The following ASCC3 variants were observed in gnomAD, a reference collection of about 807,000 sequenced individuals.
ASCC3 encodes the protein ASC-1 complex subunit P200.
Under a neutral mutation model 256.3 loss-of-function variants are expected in ASCC3, and 158 were observed. The ratio of observed to expected loss-of-function variants is 0.62; its 90% CI spans 0.54 to 0.70. The LOEUF (loss-of-function observed/expected upper bound fraction) is 0.70. ASCC3 is among the 30% of genes least tolerant of loss of function. The pLI, the probability that ASCC3 is intolerant of heterozygous loss-of-function variation, is 0.00. For missense variants in ASCC3, 2,259 were observed against 2,626.0 expected (o/e 0.86, Z 3.05); for synonymous variants, 948 against 883.4 (o/e 1.07, Z -1.30).
At chr6:100,572,965 G>T (rs1770674213) in intron 36 of ASCC3, among the ~76,000 whole-genome samples, 1 of 151,940 alleles carries the variant, frequency 6.6e-6, no homozygotes, top group Non-Finnish European at 1.5e-5. Flanking sequence ...TAAATAAAAG[G>T]TCTGGCATTT....
Position 100,589,934 on chromosome 6 carries a change from T to C in ASCC3, c.5415+14A>G. 1.9e-6 allele frequency: 3 copies of C among 1,603,370 alleles called. No individual in the cohort carries two copies. The highest frequency in any genetic ancestry group is 2.6e-6 in the Non-Finnish European group (3 of 1,170,482). On this transcript the variant is annotated intron_variant, in intron 35 of 41. Transcript: ENST00000369162. ...GCAATCTTTTCAATTAGAATGCATA[T>C]GACTAAGTCATACCTCTCCAATTTC...
chr6:100,584,949 G>T (rs1314215890), intron 36 of ASCC3, among the ~76,000 whole-genome samples: 3 of 152,168 alleles, frequency 2.0e-5, no homozygotes, highest in African/African-American at 7.2e-5. Context: ...CGAGAGATCC[G>T]CTGTTAGTCT....
At chr6:100,655,947 T>C (rs1164173336) in intron 16 of ASCC3, 129 bp from the exon 17 acceptor site, 5 of 1,031,816 alleles carry the variant, frequency 4.8e-6, no homozygotes, top group East Asian at 2.4e-5. Flanking sequence ...AAGGTAGGCA[T>C]AGTGACTGGA....
At chr6:100,693,485 G>A (rs1777932909) in intron 13 of ASCC3, among the ~76,000 whole-genome samples, 1 of 152,192 alleles carries the variant, frequency 6.6e-6, no homozygotes, top group Middle Eastern at 3.4e-3. Context: ...CTTTATACCT[G>A]ATTTGAGAAA....
chr6:100,590,954 C>A (rs1006797295), intron 34 of ASCC3, among the ~76,000 whole-genome samples: 3 of 151,878 alleles, frequency 2.0e-5, no homozygotes, highest in Non-Finnish European at 4.4e-5. Flanking sequence ...TAGGTACACC[C>A]AAATATGAGA....
chr6:100,559,567 G>C (rs931543539), intron 36 of ASCC3, among the ~76,000 whole-genome samples: 3 of 151,994 alleles, frequency 2.0e-5, no homozygotes, highest in African/African-American at 7.2e-5. Flanking sequence ...TTCTGTTACA[G>C]GGCTGGGCAT....
chr6:100,789,285 C>G (rs1472782634), intron 8 of ASCC3, among the ~76,000 whole-genome samples: 1 of 151,836 alleles, frequency 6.6e-6, no homozygotes, highest in African/African-American at 2.4e-5. Context: ...TCCAAATACA[C>G]TGAACCCACA....
chr6:100,839,618 C>A (rs1038140043), intron 4 of ASCC3, among the ~76,000 whole-genome samples: 3 of 152,086 alleles, frequency 2.0e-5, no homozygotes, highest in African/African-American at 7.2e-5. Flanking sequence ...GATGATTCAG[C>A]ATGTTCTTCT....
At chr6:100,660,311 T>C (rs1316722429) in intron 16 of ASCC3, among the ~76,000 whole-genome samples, 2 of 151,574 alleles carry the variant, frequency 1.3e-5, no homozygotes, top group African/African-American at 4.8e-5. Context: ...AGCAGCAGTA[T>C]TGAGAGAATA....
chr6:100,763,512 C>A (rs1781507436), intron 10 of ASCC3, among the ~76,000 whole-genome samples: 1 of 152,112 alleles, frequency 6.6e-6, no homozygotes, highest in Non-Finnish European at 1.5e-5. Context: ...CTCAAAACTT[C>A]TTGGAAGGCA....
At chr6:100,618,547 C>T (rs1012083503) in intron 30 of ASCC3, among the ~76,000 whole-genome samples, 6 of 152,218 alleles carry the variant, frequency 3.9e-5, no homozygotes, top group Non-Finnish European at 8.8e-5. Flanking sequence ...GTTATGTACT[C>T]AGTGGCCAAA....
chr6:100,616,310 G>A (rs1334790746), intron 30 of ASCC3, among the ~76,000 whole-genome samples: 1 of 152,126 alleles, frequency 6.6e-6, no homozygotes, highest in Non-Finnish European at 1.5e-5. Context: ...AACTGCTCTA[G>A]CATCTAAAAA....
intron 36 of ASCC3, among the ~76,000 whole-genome samples, chr6:100,557,735 T>C (rs1033338072): frequency 2.6e-5 from 4 of 151,972 alleles, no homozygotes; most frequent in Admixed American, 6.6e-5. Context: ...GGGGTAAGGA[T>C]TGTTAATGGG....
chr6:100,554,979 T>C (rs2114692008), intron 36 of ASCC3, among the ~76,000 whole-genome samples: 1 of 152,076 alleles, frequency 6.6e-6, no homozygotes, highest in African/African-American at 2.4e-5. Flanking sequence ...AAATTATCTA[T>C]TCAAACTTTA....
At chr6:100,547,319 T>A (rs553051777) in intron 36 of ASCC3, among the ~76,000 whole-genome samples, 6 of 151,926 alleles carry the variant, frequency 3.9e-5, no homozygotes, top group African/African-American at 7.2e-5. Flanking sequence ...TAGGAAAAAA[T>A]TTATTTGATG....
chr6:100,560,776 C>CACAG (rs1180684902), intron 36 of ASCC3, among the ~76,000 whole-genome samples: 2 of 151,644 alleles, frequency 1.3e-5, no homozygotes, highest in African/African-American at 2.4e-5. Context: ...CACACACACA[C>CACAG]ACACACACAC....
chr6:100,532,366 G>A (rs570395290), intron 37 of ASCC3, among the ~76,000 whole-genome samples: 18 of 125,680 alleles, frequency 1.4e-4, no homozygotes, highest in East Asian at 4.9e-4. Flanking sequence ...GTGTGTGTGT[G>A]TGTGTATGTG....
intron 10 of ASCC3, among the ~76,000 whole-genome samples, chr6:100,737,903 T>C (rs1780257787): frequency 6.6e-6 from 1 of 152,188 alleles, no homozygotes. Flanking sequence ...TACTGACTTT[T>C]TAGTAACAGC....
chr6:100,618,162 G>A (rs1288901089), intron 30 of ASCC3, among the ~76,000 whole-genome samples: 1 of 152,208 alleles, frequency 6.6e-6, no homozygotes, highest in Non-Finnish European at 1.5e-5. Context: ...AAAGAAGACT[G>A]AGTGCCCGAC....
Sources: allele counts gnomAD v4.1 joint callset (sites outside exome capture counted in the v4.1 genomes callset), GRCh38; gene constraint gnomAD v4.1.1; transcripts MANE v1.5; gene names NCBI Gene and HGNC (gene_info 2026-07-23, HGNC 2026-07-21).